The following PGCKA1 variants were observed in gnomAD, a reference collection of about 807,000 sequenced individuals.
PGCKA1 encodes PDCD10 and GCKIII kinases-associated protein 1.
the PGCKA1 span, among the ~76,000 whole-genome samples, chr4:37,506,202 G>A: frequency 3.9e-5 from 6 of 151,906 alleles, no homozygotes; most frequent in Admixed American, 6.6e-5. Flanking sequence ...CTAAAGGTTT[G>A]TCGATTTTGT....
chr4:37,571,469 T>C, the PGCKA1 span, among the ~76,000 whole-genome samples: 1 of 148,296 alleles, frequency 6.7e-6, no homozygotes, highest in Non-Finnish European at 1.5e-5. Context: ...TTCAAACGAT[T>C]CTCCTGCCTC....
At chr4:37,458,464 T>C in the PGCKA1 span, among the ~76,000 whole-genome samples, 1 of 151,950 alleles carries the variant, frequency 6.6e-6, no homozygotes, top group Non-Finnish European at 1.5e-5. Flanking sequence ...TTGGGTGGGC[T>C]TGGGTGGGCA....
chr4:37,576,015 A>T, the PGCKA1 span, among the ~76,000 whole-genome samples: 1 of 152,142 alleles, frequency 6.6e-6, no homozygotes, highest in Non-Finnish European at 1.5e-5. Context: ...AGTGTAATTT[A>T]AAGTCAGGTA....
the PGCKA1 span, among the ~76,000 whole-genome samples, chr4:37,537,981 CCATCACCATCTTCACCGT>C: frequency 2.6e-5 from 4 of 152,140 alleles, no homozygotes; most frequent in Middle Eastern, 3.4e-3. Flanking sequence ...GTGTCAGATA[CCATCACCATCTTCACCGT>C]CATCACCATC....
the PGCKA1 span, among the ~76,000 whole-genome samples, chr4:37,471,604 A>G: frequency 6.6e-6 from 1 of 152,188 alleles, no homozygotes; most frequent in Non-Finnish European, 1.5e-5. Flanking sequence ...AACATTAAAT[A>G]ATCCTTAAAT....
chr4:37,588,038 A>G, the PGCKA1 span: 1 of 152,256 alleles, frequency 6.6e-6, no homozygotes, highest in Non-Finnish European at 1.5e-5. Context: ...AGATGCTTCC[A>G]TACTCATTTT....
the PGCKA1 span, among the ~76,000 whole-genome samples, chr4:37,569,881 C>T: frequency 6.6e-6 from 1 of 152,174 alleles, no homozygotes; most frequent in East Asian, 1.9e-4. Flanking sequence ...AAAGCCAGCG[C>T]TAGACCATGC....
the PGCKA1 span, among the ~76,000 whole-genome samples, chr4:37,488,608 G>A: frequency 2.6e-5 from 4 of 152,102 alleles, no homozygotes; most frequent in South Asian, 8.3e-4. Context: ...CTGAATCTAA[G>A]TCAGTGTGGG....
the PGCKA1 span, among the ~76,000 whole-genome samples, chr4:37,502,597 T>G: frequency 3.9e-5 from 6 of 152,134 alleles, no homozygotes; most frequent in Non-Finnish European, 8.8e-5. Context: ...AGAGTGCACT[T>G]CTGCCAGCAA....
chr4:37,530,005 A>G, the PGCKA1 span, among the ~76,000 whole-genome samples: 1 of 152,206 alleles, frequency 6.6e-6, no homozygotes, highest in Non-Finnish European at 1.5e-5. Context: ...TAAAAAAAGA[A>G]GTGGGGTAGG....
At chr4:37,533,710 G>A in the PGCKA1 span, among the ~76,000 whole-genome samples, 48 of 152,048 alleles carry the variant, frequency 3.2e-4, no homozygotes, top group Non-Finnish European at 6.0e-4. Flanking sequence ...TGTGGGAGTT[G>A]GAGTGTCTAA....
At chr4:37,486,979 T>C in the PGCKA1 span, among the ~76,000 whole-genome samples, 1,308 of 152,286 alleles carry the variant, frequency 8.6e-3, 13 homozygotes, top group African/African-American at 0.03. Context: ...TACTAATTTC[T>C]CTACACAGAG....
At chr4:37,582,739 C>A in the PGCKA1 span, among the ~76,000 whole-genome samples, 2 of 152,288 alleles carry the variant, frequency 1.3e-5, no homozygotes, top group East Asian at 3.9e-4. Flanking sequence ...CATTATGGCA[C>A]TATTACCTTT....
the PGCKA1 span, among the ~76,000 whole-genome samples, chr4:37,496,411 G>A: frequency 6.6e-6 from 1 of 152,170 alleles, no homozygotes; most frequent in Non-Finnish European, 1.5e-5. Context: ...TCATATGGTT[G>A]TAGGTGGATG....
the PGCKA1 span, among the ~76,000 whole-genome samples, chr4:37,477,782 T>G: frequency 1.3e-5 from 2 of 152,264 alleles, no homozygotes; most frequent in South Asian, 4.2e-4. Context: ...AACAAGAAAC[T>G]TCAACCCTGG....
chr4:37,590,649 C>T, the PGCKA1 span: 38 of 1,613,976 alleles, frequency 2.4e-5, no homozygotes, highest in South Asian at 2.1e-4. Flanking sequence ...CTGGAGACAA[C>T]GTTGATCATA....
the PGCKA1 span, among the ~76,000 whole-genome samples, chr4:37,465,585 TC>T: frequency 6.6e-6 from 1 of 152,102 alleles, no homozygotes; most frequent in Non-Finnish European, 1.5e-5. Flanking sequence ...AGTAGCTTCA[TC>T]CTGCAGGCCT....
the PGCKA1 span, among the ~76,000 whole-genome samples, chr4:37,525,503 G>T: frequency 1.3e-5 from 2 of 151,530 alleles, no homozygotes; most frequent in South Asian, 2.1e-4. Context: ...CTTTTAAACT[G>T]TATTAGCAAG....
At chr4:37,460,078 C>T in the PGCKA1 span, among the ~76,000 whole-genome samples, 1 of 152,060 alleles carries the variant, frequency 6.6e-6, no homozygotes, top group Non-Finnish European at 1.5e-5. Flanking sequence ...TGAGTGAGAA[C>T]ATGTGGTGTT....
Sources: allele counts gnomAD v4.1 joint callset (sites outside exome capture counted in the v4.1 genomes callset), GRCh38; gene constraint gnomAD v4.1.1; transcripts MANE v1.5; gene names NCBI Gene and HGNC (gene_info 2026-07-23, HGNC 2026-07-21).